Variants in UTP18 observed in about 807,000 individuals in gnomAD.
UTP18 encodes U3 small nucleolar RNA-associated protein 18 homolog.
A neutral mutation model predicts 61.1 loss-of-function variants in UTP18; 36 were observed. The observed-to-expected ratio is 0.59, with a 90% confidence interval of 0.45 to 0.78. The LOEUF is 0.78. Ranked by LOEUF, UTP18 falls within the 30% of genes least tolerant of loss-of-function variation. The pLI is 0.00. For synonymous variants in UTP18, 282 were observed against 251.1 expected, an observed-to-expected ratio of 1.12 and a Z score of -1.16; for missense variants, 753 against 693.9, an observed-to-expected ratio of 1.09 and a Z score of -0.96.
At position 51,266,164 on chromosome 17, in the gene UTP18, G is replaced by A; in HGVS notation, c.456-18G>A. On this transcript the variant is annotated intron_variant, in intron 2 of 13. Transcript: ENST00000225298. ...ACTCTTTAAAAGTTATTTAAAATATGCTGTTCTGTTTTTGTAGGGTTGACA... is the reference window on the plus strand; with the variant it reads ...ACTCTTTAAAAGTTATTTAAAATATACTGTTCTGTTTTTGTAGGGTTGACA... The A allele has an allele frequency of 3.2e-6, 5 of 1,541,698 alleles. No homozygotes were observed. Among genetic ancestry groups the A allele is most frequent in the Non-Finnish European group, 3.5e-6 (4 of 1,149,732 alleles).
intron 3 of UTP18, among the ~76,000 whole-genome samples, chr17:51,267,726 A>G (rs1904347354): frequency 6.6e-6 from 1 of 152,042 alleles, no homozygotes; most frequent in African/African-American, 2.4e-5. Context: ...TTCAAGTCTG[A>G]TCTTTTTCTC....
At chr17:51,266,430 A>G (rs1434183646) in intron 3 of UTP18, 150 bp downstream of exon 3, 5 of 484,776 alleles carry the variant, frequency 1.0e-5, no homozygotes, top group South Asian at 5.1e-5. Flanking sequence ...AGTTTTTTTT[A>G]GGGGAGAGGG....
chr17:51,278,021 G>T (rs926708716), intron 7 of UTP18, among the ~76,000 whole-genome samples: 1 of 152,192 alleles, frequency 6.6e-6, no homozygotes, highest in Non-Finnish European at 1.5e-5. Context: ...TGGCTGGAAA[G>T]GACAAGAGTA....
At chr17:51,268,549 T>C (rs1904388079) in intron 3 of UTP18, among the ~76,000 whole-genome samples, 1 of 152,244 alleles carries the variant, frequency 6.6e-6, no homozygotes, top group Non-Finnish European at 1.5e-5. Flanking sequence ...GATGTGTTGA[T>C]ATGAACAAAT....
intron 10 of UTP18, among the ~76,000 whole-genome samples, chr17:51,285,787 C>T (rs1905088903): frequency 6.6e-6 from 1 of 152,158 alleles, no homozygotes; most frequent in African/African-American, 2.4e-5. Flanking sequence ...GGAGAAAACA[C>T]AGTACACACA....
At chr17:51,290,897 T>C (rs536986722) in intron 11 of UTP18, among the ~76,000 whole-genome samples, 2 of 152,352 alleles carry the variant, frequency 1.3e-5, no homozygotes, top group South Asian at 4.1e-4. Context: ...CTTATAATGA[T>C]CTAGACGGTT....
chr17:51,272,091 TTTGTTG>T lies in UTP18; in HGVS notation c.623-1262_623-1257del, dbSNP rs1226500646. 2.6e-5 allele frequency among the ~76,000 whole-genome samples: 4 copies of T among 152,158 alleles called. No individual in the cohort carries two copies. The East Asian group carries it at 7.7e-4, about 29-fold the overall frequency. ...CTTAAATATATTAAACATAGTTTTTTTTGTTGTTGTTGTTTGTGTTTTTTTGAGACA... is the reference window on the plus strand; with the variant it reads ...CTTAAATATATTAAACATAGTTTTTTTTGTTGTTTGTGTTTTTTTGAGACA... On this transcript the variant is annotated intron_variant, in intron 4 of 13. Transcript: ENST00000225298.
intron 8 of UTP18, 69 bp downstream of exon 8, chr17:51,280,174 A>G: frequency 6.7e-7 from 1 of 1,486,276 alleles, no homozygotes. Flanking sequence ...CTTGCACCTT[A>G]ACTCAGTGTG....
chr17:51,292,013 A>C (rs1223429856), intron 11 of UTP18, among the ~76,000 whole-genome samples: 1 of 152,166 alleles, frequency 6.6e-6, no homozygotes, highest in Admixed American at 6.6e-5. Context: ...ATCTGTTCAT[A>C]GTTGGGGCAT....
intron 9 of UTP18, among the ~76,000 whole-genome samples, chr17:51,282,365 G>T (rs1487180115): frequency 6.6e-6 from 1 of 152,002 alleles, no homozygotes; most frequent in Non-Finnish European, 1.5e-5. Context: ...ACTTTCACAA[G>T]GTTATTTACA....
chr17:51,284,262 G>C (rs1905038614), intron 9 of UTP18, among the ~76,000 whole-genome samples: 2 of 152,166 alleles, frequency 1.3e-5, no homozygotes, highest in African/African-American at 4.8e-5. Flanking sequence ...GCAATATCCT[G>C]CAAGGAAGGA....
chr17:51,292,131 T>A (rs865906929), intron 11 of UTP18, among the ~76,000 whole-genome samples: 1 of 152,336 alleles, frequency 6.6e-6, no homozygotes, highest in Middle Eastern at 3.4e-3. Flanking sequence ...GTAAATAAAT[T>A]TTGCAATATC....
At chr17:51,290,858 T>C (rs1905220417) in intron 11 of UTP18, among the ~76,000 whole-genome samples, 1 of 152,210 alleles carries the variant, frequency 6.6e-6, no homozygotes, top group African/African-American at 2.4e-5. Flanking sequence ...GTAAAAAACA[T>C]TGTTAGCATT....
chr17:51,272,212 C>T (rs1365731658), intron 4 of UTP18, among the ~76,000 whole-genome samples: 1 of 152,116 alleles, frequency 6.6e-6, no homozygotes, highest in African/African-American at 2.4e-5. Context: ...GATTCTCTTG[C>T]TTCAGCCTCC....
In UTP18 at chr17:51,294,387, C is replaced by T. The variant is rs192167608; in HGVS notation, c.1646+342C>T. Among the ~76,000 whole-genome samples, 291 of 142,490 alleles carry T rather than the reference C, an allele frequency of 2.0e-3. 1 individual carries two copies. Among genetic ancestry groups the T allele is most frequent in the Non-Finnish European group, 3.8e-3 (248 of 66,004 alleles). The allele number at this position is 142,490 out of a possible 152,430, so 93.5% of individuals were successfully genotyped here. Reference sequence around the variant, plus strand: ...ACAACAGTACCTGGAGTGTCATGTTCTCCTTCCTGTGTCCATGTGTTCTCA... The same window carrying T: ...ACAACAGTACCTGGAGTGTCATGTTTTCCTTCCTGTGTCCATGTGTTCTCA... On this transcript the variant is annotated intron_variant, in intron 12 of 13. Coordinates refer to ENST00000225298, the MANE Select transcript of UTP18 (RefSeq NM_016001.3).
At chr17:51,288,296 T>G in intron 11 of UTP18, 93 bp downstream of exon 11, 1 of 1,248,936 alleles carries the variant, frequency 8.0e-7, no homozygotes, top group South Asian at 1.7e-5. Context: ...TTGAATTATT[T>G]TTAAAACAGT....
chr17:51,289,440 C>T (rs1471146491), intron 11 of UTP18, among the ~76,000 whole-genome samples: 2 of 151,522 alleles, frequency 1.3e-5, no homozygotes, highest in South Asian at 2.1e-4. Context: ...AACTCCCGAC[C>T]TCATGGTCCA....
intron 3 of UTP18, among the ~76,000 whole-genome samples, 153 bp downstream of exon 3, chr17:51,266,433 GGA>G (rs1390857468): frequency 5.3e-5 from 8 of 152,004 alleles, no homozygotes; most frequent in African/African-American, 9.7e-5. Flanking sequence ...TTTTTTTAGG[GGA>G]GAGGGGACAA....
intron 9 of UTP18, among the ~76,000 whole-genome samples, chr17:51,282,842 TC>T (rs1904985235): frequency 6.7e-6 from 1 of 149,320 alleles, no homozygotes; most frequent in South Asian, 2.1e-4. Flanking sequence ...CTCCGCTTCT[TC>T]CTCCTTTTCT....
Sources: allele counts gnomAD v4.1 joint callset (sites outside exome capture counted in the v4.1 genomes callset), GRCh38; gene constraint gnomAD v4.1.1; transcripts MANE v1.5; gene names NCBI Gene and HGNC (gene_info 2026-07-23, HGNC 2026-07-21).